The following DMD variants were observed in gnomAD, a reference collection of about 807,000 sequenced individuals.
The protein encoded by DMD is mutant dystrophin.
In DMD, 63 loss-of-function variants were observed where a neutral mutation model predicts 330.1. The ratio of observed to expected loss-of-function variants is 0.19; its 90% CI spans 0.16 to 0.24. The LOEUF (loss-of-function observed/expected upper bound fraction) is 0.24, where lower values mean the gene tolerates loss of function less well. DMD is among the 10% of genes least tolerant of loss of function. The pLI, the probability that DMD is intolerant of heterozygous loss-of-function variation, is 1.00. For synonymous variants in DMD, 1,223 were observed against 959.8 expected, an observed-to-expected ratio of 1.27 and a Z score of -5.07; for missense variants, 3,344 against 2,684.1, an observed-to-expected ratio of 1.25 and a Z score of -5.43.
chrX:32,654,737 T>A (rs2060430850), intron 9 of DMD, among the ~76,000 whole-genome samples: 1 of 111,965 alleles, frequency 8.9e-6, no homozygotes, highest in Admixed American at 9.5e-5. Context: ...TACCAGCTCT[T>A]CCTTGTACCT....
chrX:33,004,326 T>C (rs2093349827), intron 2 of DMD, among the ~76,000 whole-genome samples: 1 of 111,428 alleles, frequency 9.0e-6, no homozygotes, highest in Non-Finnish European at 1.9e-5. Flanking sequence ...GCTCACCCAC[T>C]ATGTTCCTTG....
rs188654853 is a variant in DMD at position 31,807,930 on chromosome X, T to C, written c.7309+12045A>G. 5.4e-3 allele frequency among the ~76,000 whole-genome samples: 599 copies of C among 111,547 alleles called. 7 individuals are homozygous for C. The highest frequency in any genetic ancestry group is 0.018 in the African/African-American group (554 of 30,748). On this transcript the variant is annotated intron_variant, in intron 50 of 78. Coordinates refer to ENST00000357033, the MANE Select transcript of DMD (RefSeq NM_004006.3). ...CTGTGCCCACTTAGTAGCTGGGTGT[T>C]TTTGGATAACCATTCTCTCTAGGCT... is the stretch of plus-strand genomic sequence containing the variant.
At position 31,512,682 on chromosome X, in the gene DMD, C is replaced by T. The variant is rs1024185518; in HGVS notation, c.8218-5229G>A. 8.1e-5 allele frequency among the ~76,000 whole-genome samples: 9 copies of T among 111,320 alleles called. No homozygotes were observed. In the East Asian group the frequency reaches 1.1e-3, roughly 14 times the overall value. ...TTATTTCTGAGGGCTCTGTTCTGTT[C>T]CACTGATCTATATCTCTGTTTTGGT... On this transcript the variant is annotated intron_variant, in intron 55 of 78. Coordinates refer to ENST00000357033, the MANE Select transcript of DMD (RefSeq NM_004006.3).
intron 7 of DMD, among the ~76,000 whole-genome samples, chrX:32,737,369 T>C (rs1018568970): frequency 5.4e-5 from 6 of 111,672 alleles, no homozygotes; most frequent in Admixed American, 3.8e-4. Flanking sequence ...GACTATTTTA[T>C]GGTATTTTCT....
At chrX:31,277,747 T>G (rs2052271034) in intron 62 of DMD, among the ~76,000 whole-genome samples, 1 of 111,668 alleles carries the variant, frequency 9.0e-6, no homozygotes, top group African/African-American at 3.3e-5. Flanking sequence ...ACTACAGTGT[T>G]TTTCAAACTG....
At chrX:32,919,722 C>G (rs1266187193) in intron 2 of DMD, among the ~76,000 whole-genome samples, 2 of 111,683 alleles carry the variant, frequency 1.8e-5, no homozygotes, top group Non-Finnish European at 3.8e-5. Flanking sequence ...TTCTTCATCA[C>G]CAAATACAGG....
intron 7 of DMD, among the ~76,000 whole-genome samples, chrX:32,743,151 G>A (rs1201136775): frequency 2.7e-5 from 3 of 111,325 alleles, no homozygotes; most frequent in Non-Finnish European, 5.7e-5. Context: ...TGAATGCACA[G>A]CCCCTCCCGG....
At chrX:32,388,481 T>C (rs2097976242) in intron 32 of DMD, among the ~76,000 whole-genome samples, 1 of 109,004 alleles carries the variant, frequency 9.2e-6, no homozygotes, top group African/African-American at 3.3e-5. Context: ...AAAGTAATTA[T>C]ACCACTAAAA....
chrX:32,704,167 C>T (rs1272434367), intron 7 of DMD, among the ~76,000 whole-genome samples: 2 of 111,172 alleles, frequency 1.8e-5, no homozygotes, highest in East Asian at 2.8e-4. Flanking sequence ...AACCTCATGG[C>T]GGTCTGAAGG....
chrX:31,895,823 T>A (rs920677694), intron 47 of DMD, among the ~76,000 whole-genome samples: 2 of 111,942 alleles, frequency 1.8e-5, no homozygotes, highest in Admixed American at 1.9e-4. Flanking sequence ...AATATCTCTG[T>A]GCTTAGGAGA....
At position 32,209,936 on chromosome X, in the gene DMD, T is replaced by A. The variant is rs186771710; in HGVS notation, c.6438+6980A>T. Among the ~76,000 whole-genome samples the A allele has an allele frequency of 3.8e-3, 426 of 111,817 alleles. 1 individual carries two copies. The highest frequency in any genetic ancestry group is 6.8e-3 in the Non-Finnish European group (361 of 53,121). ...GAAAGATACACTTGATGGGCAAGGA[T>A]TGAAAGCCCCTCTCGGAATTTCTGC... On this transcript the variant is annotated intron_variant, in intron 44 of 78. Transcript: ENST00000357033.
chrX:31,951,381 T>C (rs1292463613), intron 45 of DMD, among the ~76,000 whole-genome samples: 3 of 107,324 alleles, frequency 2.8e-5, no homozygotes, highest in Non-Finnish European at 5.8e-5. Flanking sequence ...ATTTCAGATT[T>C]TTTTAATGGG....
In DMD at chrX:32,252,853, TATATATAA is replaced by T. The variant is rs1336636384; in HGVS notation, c.6290+34668_6290+34675del. 6.3e-3 allele frequency among the ~76,000 whole-genome samples: 454 copies of T among 71,896 alleles called. 14 individuals are homozygous for T. The highest frequency in any genetic ancestry group is 0.025 in the African/African-American group (428 of 16,794). 62.4% of individuals were successfully genotyped at this position (71,896 alleles called of 115,157 possible). ...ATATAAATATATATAAATATATAAA[TATATATAA>T]ATATATAAATATATAAAAATATATA... On this transcript the variant is annotated intron_variant, in intron 43 of 78. Transcript: ENST00000357033.
chrX:32,503,703 GCA>G (rs1569564946), intron 18 of DMD, among the ~76,000 whole-genome samples: 1 of 110,017 alleles, frequency 9.1e-6, no homozygotes, highest in Non-Finnish European at 1.9e-5. Flanking sequence ...TTACAGGCGT[GCA>G]CCACCACGCC....
At chrX:32,049,344 G>A (rs1460414539) in intron 44 of DMD, among the ~76,000 whole-genome samples, 3 of 111,409 alleles carry the variant, frequency 2.7e-5, no homozygotes, top group African/African-American at 9.8e-5. Context: ...TGTTGGTAAG[G>A]GGTGCAATAA....
chrX:32,927,957 C>G (rs771166171), intron 2 of DMD, among the ~76,000 whole-genome samples: 1 of 111,043 alleles, frequency 9.0e-6, no homozygotes, highest in South Asian at 3.8e-4. Context: ...TGCCTGTGAG[C>G]CCTCAAAAAT....
chrX:32,205,653 C>T (rs2097065193), intron 44 of DMD, among the ~76,000 whole-genome samples: 1 of 112,015 alleles, frequency 8.9e-6, no homozygotes, highest in African/African-American at 3.2e-5. Flanking sequence ...TTTCAATATC[C>T]TGAGCACCTA....
intron 60 of DMD, among the ~76,000 whole-genome samples, chrX:31,421,297 G>T (rs1039778838): frequency 8.9e-6 from 1 of 111,845 alleles, no homozygotes; most frequent in Admixed American, 9.5e-5. Context: ...ATATTTTATA[G>T]AACCACAAAA....
intron 44 of DMD, among the ~76,000 whole-genome samples, chrX:32,160,714 G>GT (rs200379126): frequency 0.065 from 7,240 of 110,862 alleles, 214 homozygotes; most frequent in African/African-American, 0.082. Context: ...AACATGAAAG[G>GT]TTTTTTTGAT....
Sources: gnomAD v4.1 joint callset for allele counts (sites outside exome capture counted in the v4.1 genomes callset) on GRCh38, gnomAD v4.1.1 for gene constraint, MANE v1.5 for transcripts, NCBI Gene and HGNC (gene_info 2026-07-23, HGNC 2026-07-21) for gene names.